NAALADL2: variants seen among roughly 807,000 people sequenced by gnomAD.
The protein encoded by NAALADL2 is N-acetylated alpha-linked acidic dipeptidase like 2.
In NAALADL2, 76 loss-of-function variants were observed where a neutral mutation model predicts 87.2. The observed-to-expected ratio is 0.87, with a 90% CI of 0.72 to 1.05. NAALADL2 has a LOEUF of 1.05. NAALADL2 is among the 50% of genes least tolerant of loss of function. NAALADL2 has a pLI of 0.00. For missense variants in NAALADL2, 1,089 were observed against 945.8 expected (o/e 1.15, Z -1.99); for synonymous variants, 354 against 331.0 (o/e 1.07, Z -0.75).
At chr3:175,004,692 CTT>C (rs573875027) in intron 1 of NAALADL2, among the ~76,000 whole-genome samples, 7 of 152,192 alleles carry the variant, frequency 4.6e-5, no homozygotes, top group Non-Finnish European at 8.8e-5. Flanking sequence ...GATAGTGACA[CTT>C]TTGATTTCTG....
At position 175,480,436 on chromosome 3, in the gene NAALADL2, A is replaced by C. The variant is rs539883017; in HGVS notation, c.1653+8678A>C. On this transcript the variant is annotated intron_variant, in intron 9 of 13. Coordinates refer to ENST00000454872, the MANE Select transcript of NAALADL2 (RefSeq NM_207015.3). ...CAATGGTAACTCCAGAAGGAGTTTA[A>C]GATGGCAGTAGCCTGGATTGAAATA... Among the ~76,000 whole-genome samples, 8 of 152,036 alleles carry C rather than the reference A, an allele frequency of 5.3e-5. No individual in the cohort carries two copies. The East Asian group carries it at 1.4e-3, about 26-fold the overall frequency.
At chr3:174,922,497 C>T (rs1167138680) in intron 1 of NAALADL2, among the ~76,000 whole-genome samples, 1 of 152,102 alleles carries the variant, frequency 6.6e-6, no homozygotes, top group Admixed American at 6.6e-5. Flanking sequence ...AACTGTAGGA[C>T]AGCACTATTA....
In NAALADL2 at chr3:175,001,323, A is replaced by G. The variant is rs1748201139; in HGVS notation, c.44-95467A>G. Among the ~76,000 whole-genome samples the G allele has an allele frequency of 2.0e-5, 3 of 151,370 alleles. No homozygotes were observed. The South Asian group carries it at 6.3e-4, about 32-fold the overall frequency. On this transcript the variant is annotated intron_variant, in intron 1 of 13. Coordinates refer to ENST00000454872, the MANE Select transcript of NAALADL2 (RefSeq NM_207015.3). ...CTGCTCATCTGTTTACATTTTGAGT[A>G]GCAAAGTATCCTTGCCCCATCTTGG...
chr3:174,929,845 A>G (rs1189574798), intron 1 of NAALADL2, among the ~76,000 whole-genome samples: 3 of 152,182 alleles, frequency 2.0e-5, no homozygotes, highest in South Asian at 2.1e-4. Context: ...TAACATTTCT[A>G]TAAGATTTCT....
intron 6 of NAALADL2, among the ~76,000 whole-genome samples, chr3:175,456,982 A>C (rs1191968350): frequency 2.0e-5 from 3 of 151,992 alleles, no homozygotes; most frequent in Non-Finnish European, 4.4e-5. Context: ...ATGTTATCTC[A>C]TGAGGATATT....
At chr3:174,989,694 G>C (rs1423618398) in intron 1 of NAALADL2, among the ~76,000 whole-genome samples, 1 of 152,106 alleles carries the variant, frequency 6.6e-6, no homozygotes, top group African/African-American at 2.4e-5. Flanking sequence ...TAAAATATAA[G>C]CCTGAGTCTA....
Position 174,615,728 on chromosome 3 carries a change from C to G in NAALADL2, c.-115+65091C>G, listed in dbSNP as rs150225242. 2.9e-3 allele frequency among the ~76,000 whole-genome samples: 438 copies of G among 152,160 alleles called. 3 individuals are homozygous for G. Among genetic ancestry groups the G allele is most frequent in the African/African-American group, 0.01 (423 of 41,546 alleles). ...GCTGCCTCTCTCTTTCTCTTGCTCTCTCTCTCCCATTCTCCCTTCCTGTTA... is the reference window on the plus strand; with the variant it reads ...GCTGCCTCTCTCTTTCTCTTGCTCTGTCTCTCCCATTCTCCCTTCCTGTTA... On this transcript the variant is annotated intron_variant, in intron 2 of 3. Coordinates refer to the NAALADL2 transcript ENST00000434257.
intron 1 of NAALADL2, among the ~76,000 whole-genome samples, chr3:174,515,960 A>G (rs1420377614): frequency 6.6e-6 from 1 of 152,148 alleles, no homozygotes; most frequent in Non-Finnish European, 1.5e-5. Flanking sequence ...GAGCAAAAGC[A>G]GTAACAAAAC....
chr3:175,363,983 A>G (rs1765296418), intron 5 of NAALADL2, among the ~76,000 whole-genome samples: 1 of 148,380 alleles, frequency 6.7e-6, no homozygotes. Flanking sequence ...ATTAACACAA[A>G]TGCATTTTCA....
At chr3:175,117,453 G>T (rs1045154060) in intron 2 of NAALADL2, among the ~76,000 whole-genome samples, 1 of 151,990 alleles carries the variant, frequency 6.6e-6, no homozygotes, top group Non-Finnish European at 1.5e-5. Context: ...GTGGGCAAAG[G>T]ATATGAACAG....
intron 3 of NAALADL2, among the ~76,000 whole-genome samples, chr3:174,749,927 T>G (rs2109034289): frequency 6.6e-6 from 1 of 152,344 alleles, no homozygotes; most frequent in East Asian, 1.9e-4. Flanking sequence ...CCAGAAATTA[T>G]GAAGTGCTAT....
intron 2 of NAALADL2, among the ~76,000 whole-genome samples, chr3:174,729,244 C>T (rs922966104): frequency 5.9e-5 from 9 of 151,924 alleles, no homozygotes; most frequent in African/African-American, 1.9e-4. Flanking sequence ...GATTTCTCAC[C>T]ATTACTGAGG....
chr3:175,698,413 ATGTATACATATGTATGTG>A (rs1477957581), intron 11 of NAALADL2, among the ~76,000 whole-genome samples: 1 of 61,968 alleles, frequency 1.6e-5, no homozygotes, highest in South Asian at 3.9e-4. Context: ...GTATTTATGT[ATGTATACATATGTATGTG>A]TATATATTTA....
At chr3:174,770,539 A>G (rs1181309027) in intron 3 of NAALADL2, among the ~76,000 whole-genome samples, 1 of 152,198 alleles carries the variant, frequency 6.6e-6, no homozygotes, top group East Asian at 1.9e-4. Flanking sequence ...TAAGGAATAC[A>G]TAAGTTCTAT....
At chr3:175,505,085 C>T (rs767376094) in intron 9 of NAALADL2, among the ~76,000 whole-genome samples, 3 of 152,056 alleles carry the variant, frequency 2.0e-5, no homozygotes, top group Non-Finnish European at 4.4e-5. Context: ...GAAAGCCAGT[C>T]ACCATGTAAA....
intron 11 of NAALADL2, among the ~76,000 whole-genome samples, chr3:175,713,917 TC>T (rs1740881063): frequency 1.3e-5 from 2 of 152,138 alleles, no homozygotes; most frequent in African/African-American, 4.8e-5. Context: ...TGTGTGATGT[TC>T]CCCATCCTAT....
chr3:175,788,053 G>GT (rs1470295878), intron 13 of NAALADL2, among the ~76,000 whole-genome samples: 1 of 149,316 alleles, frequency 6.7e-6, no homozygotes, highest in Non-Finnish European at 1.5e-5. Flanking sequence ...TTCATTCATG[G>GT]TAAGTGCCTT....
chr3:175,768,276 T>C (rs1488916839), intron 13 of NAALADL2, among the ~76,000 whole-genome samples: 1 of 152,178 alleles, frequency 6.6e-6, no homozygotes. Flanking sequence ...CCTTATGTAA[T>C]AATTGTTGGG....
At chr3:175,200,083 A>C (rs1360429112) in intron 2 of NAALADL2, among the ~76,000 whole-genome samples, 1 of 150,802 alleles carries the variant, frequency 6.6e-6, no homozygotes, top group Non-Finnish European at 1.5e-5. Context: ...ACCCTGCCCA[A>C]CTCTTCCCAA....
Sources: allele counts gnomAD v4.1 joint callset (sites outside exome capture counted in the v4.1 genomes callset), GRCh38; gene constraint gnomAD v4.1.1; transcripts MANE v1.5; gene names NCBI Gene and HGNC (gene_info 2026-07-23, HGNC 2026-07-21).